The following ACTR3C variants were observed in gnomAD, a reference collection of about 807,000 sequenced individuals.
ACTR3C encodes actin related protein 3C.
Under a neutral mutation model 26.3 loss-of-function variants are expected in ACTR3C, and 18 were observed. The observed-to-expected ratio is 0.68, with a 90% CI of 0.47 to 1.01. ACTR3C has a LOEUF of 1.01. ACTR3C is among the 50% of genes least tolerant of loss of function. The probability of loss-of-function intolerance (pLI) is 0.00; values close to 1 mark genes in which losing one functional copy is unlikely to be tolerated. For synonymous variants in ACTR3C, 55 were observed against 94.5 expected (o/e 0.58, Z 2.42); for missense variants, 184 against 250.7 (o/e 0.73, Z 1.80).
At chr7:150,101,594 G>A in the ACTR3C span, among the ~76,000 whole-genome samples, 133 of 151,836 alleles carry the variant, frequency 8.8e-4, 2 homozygotes, top group East Asian at 0.023. Context: ...GGCTGCCCAC[G>A]TGGAACCCTG....
At chr7:150,186,055 G>C in the ACTR3C span, among the ~76,000 whole-genome samples, 9 of 152,232 alleles carry the variant, frequency 5.9e-5, no homozygotes, top group East Asian at 1.7e-3. Context: ...AAGGCAATAG[G>C]AGGTCAGTCC....
downstream of ACTR3C, among the ~76,000 whole-genome samples, chr7:150,240,634 T>TA (rs1293474718): frequency 1.3e-5 from 2 of 152,184 alleles, no homozygotes; most frequent in South Asian, 4.1e-4. Context: ...GATATGGGTA[T>TA]AAAAAAATTA....
the ACTR3C span, among the ~76,000 whole-genome samples, chr7:150,018,717 T>G: frequency 6.7e-6 from 1 of 150,312 alleles, no homozygotes; most frequent in Non-Finnish European, 1.5e-5. Flanking sequence ...TTTCCTTCAC[T>G]AAGTGCTTTG....
chr7:150,098,011 C>G, the ACTR3C span, among the ~76,000 whole-genome samples: 1 of 151,578 alleles, frequency 6.6e-6, no homozygotes, highest in African/African-American at 2.4e-5. Flanking sequence ...AGGATCCTCC[C>G]CAACATGGTC....
the ACTR3C span, among the ~76,000 whole-genome samples, chr7:149,896,048 A>C: frequency 7.3e-5 from 11 of 149,808 alleles, no homozygotes; most frequent in South Asian, 2.1e-4. Flanking sequence ...AAAAAAAAAA[A>C]AAAAAAAACA....
chr7:149,973,581 G>A, the ACTR3C span, among the ~76,000 whole-genome samples: 124 of 152,194 alleles, frequency 8.1e-4, no homozygotes, highest in Non-Finnish European at 1.5e-3. Flanking sequence ...ATCTTGGGAG[G>A]ACAGAAGTAC....
the ACTR3C span, among the ~76,000 whole-genome samples, chr7:150,162,333 A>ATTT: frequency 0.24 from 35,720 of 150,848 alleles, 4,389 homozygotes; most frequent in African/African-American, 0.3. Flanking sequence ...TGCAAAAGTA[A>ATTT]TTTTTTTTTT....
the ACTR3C span, among the ~76,000 whole-genome samples, chr7:150,196,416 T>C: frequency 1.1e-4 from 17 of 152,358 alleles, no homozygotes; most frequent in East Asian, 2.9e-3. Flanking sequence ...TCCACATTTA[T>C]ATTCATTTTT....
chr7:150,229,601 C>A, the ACTR3C span, among the ~76,000 whole-genome samples: 1 of 152,094 alleles, frequency 6.6e-6, no homozygotes, highest in South Asian at 2.1e-4. Flanking sequence ...TCTCCTGACT[C>A]AGCCTCCTGA....
chr7:150,006,723 T>G, the ACTR3C span, among the ~76,000 whole-genome samples: 2 of 151,932 alleles, frequency 1.3e-5, no homozygotes, highest in Non-Finnish European at 2.9e-5. Flanking sequence ...TGCAGGCGCC[T>G]CTATGGGCAA....
chr7:150,185,687 C>A, the ACTR3C span, among the ~76,000 whole-genome samples: 1 of 151,256 alleles, frequency 6.6e-6, no homozygotes, highest in Non-Finnish European at 1.5e-5. Context: ...GCCAATCTAC[C>A]CTCCCTCTCT....
chr7:150,086,140 C>T, the ACTR3C span, among the ~76,000 whole-genome samples: 1 of 152,096 alleles, frequency 6.6e-6, no homozygotes, highest in Admixed American at 6.6e-5. Flanking sequence ...TGTGCCACCA[C>T]ACATGGTTAA....
intron 6 of ACTR3C, among the ~76,000 whole-genome samples, chr7:150,252,069 G>A (rs1447076721): frequency 6.6e-6 from 1 of 151,612 alleles, no homozygotes; most frequent in Non-Finnish European, 1.5e-5. Flanking sequence ...CTTTAACTTC[G>A]ACATTTCAAT....
At chr7:149,902,606 AG>A in the ACTR3C span, among the ~76,000 whole-genome samples, 5 of 108,844 alleles carry the variant, frequency 4.6e-5, no homozygotes, top group Admixed American at 5.7e-4. Context: ...AAGAAAAAAA[AG>A]AAAAGAAATA....
chr7:149,917,442 T>A, the ACTR3C span, among the ~76,000 whole-genome samples: 9 of 152,226 alleles, frequency 5.9e-5, no homozygotes, highest in African/African-American at 2.2e-4. Flanking sequence ...GCTCCTATCT[T>A]TTGACAGCAG....
At chr7:150,048,596 C>T in the ACTR3C span, among the ~76,000 whole-genome samples, 1 of 151,924 alleles carries the variant, frequency 6.6e-6, no homozygotes, top group South Asian at 2.1e-4. Flanking sequence ...GAGGTCGAGG[C>T]AGGCAGGCCG....
At chr7:150,218,375 T>C in the ACTR3C span, among the ~76,000 whole-genome samples, 1 of 152,260 alleles carries the variant, frequency 6.6e-6, no homozygotes, top group South Asian at 2.1e-4. Context: ...AGGAACTGAA[T>C]ATTTTTTTTC....
the ACTR3C span, among the ~76,000 whole-genome samples, chr7:150,068,697 G>A: frequency 6.7e-6 from 1 of 149,572 alleles, no homozygotes; most frequent in African/African-American, 2.5e-5. Flanking sequence ...GCAGGAGAAT[G>A]GCATGAACCC....
Position 150,250,405 on chromosome 7 carries a change from G to A in ACTR3C, c.565-1351C>T, listed in dbSNP as rs1281546646. Among the ~76,000 whole-genome samples, 8 of 151,656 alleles carry A rather than the reference G, an allele frequency of 5.3e-5. No individual in the cohort carries two copies. The East Asian group carries it at 7.8e-4, about 15-fold the overall frequency. ...TTTTTACTAGAGACGGGGTTTCACC[G>A]TGTTAGCCAGGATGGTCTTGACCTC... On this transcript the variant is annotated intron_variant, in intron 6 of 7. Coordinates refer to ENST00000683684, the MANE Select transcript of ACTR3C (RefSeq NM_001164458.2).
Sources: gnomAD v4.1 joint callset for allele counts (sites outside exome capture counted in the v4.1 genomes callset) on GRCh38, gnomAD v4.1.1 for gene constraint, MANE v1.5 for transcripts, NCBI Gene and HGNC (gene_info 2026-07-23, HGNC 2026-07-21) for gene names.